The following LMTK2 variants were observed in gnomAD, a reference collection of about 807,000 sequenced individuals.
LMTK2 encodes the protein serine/threonine-protein kinase LMTK2.
A neutral mutation model predicts 127.5 loss-of-function variants in LMTK2; 37 were observed. The observed-to-expected ratio is 0.29, with a 90% confidence interval of 0.22 to 0.38. The LOEUF (loss-of-function observed/expected upper bound fraction) is 0.38. LMTK2 is among the 10% of genes least tolerant of loss of function. The probability of loss-of-function intolerance (pLI) is 1.00; values close to 1 mark genes in which losing one functional copy is unlikely to be tolerated. For missense variants in LMTK2, 1,694 were observed against 1,920.3 expected (o/e 0.88, Z 2.20); for synonymous variants, 819 against 810.1 (o/e 1.01, Z -0.19).
chr7:98,144,654 T>TAAGGA (rs1353476061), intron 3 of LMTK2, among the ~76,000 whole-genome samples: 2 of 152,214 alleles, frequency 1.3e-5, no homozygotes, highest in South Asian at 2.1e-4. Flanking sequence ...AAAGACTTTT[T>TAAGGA]ATAGAGAAGT....
At chr7:98,188,455 GTTA>G (rs923554434) in intron 9 of LMTK2, among the ~76,000 whole-genome samples, 51 of 152,040 alleles carry the variant, frequency 3.4e-4, no homozygotes, top group Non-Finnish European at 5.9e-4. Context: ...TTTAAAAAAA[GTTA>G]TTATTATATA....
intron 3 of LMTK2, among the ~76,000 whole-genome samples, chr7:98,148,167 T>C (rs1444078128): frequency 6.6e-6 from 1 of 151,448 alleles, no homozygotes; most frequent in East Asian, 1.9e-4. Context: ...CACTCCAGCC[T>C]GAGTGATACA....
chr7:98,195,972 C>T (rs1797617108), intron 11 of LMTK2, among the ~76,000 whole-genome samples: 1 of 152,136 alleles, frequency 6.6e-6, no homozygotes, highest in Non-Finnish European at 1.5e-5. Flanking sequence ...GGCGGATCAC[C>T]TGACGTCGGG....
chr7:98,173,410 A>G (rs1051890881), intron 7 of LMTK2, among the ~76,000 whole-genome samples: 17 of 152,250 alleles, frequency 1.1e-4, no homozygotes, highest in African/African-American at 3.9e-4. Flanking sequence ...GAAAGCCTAC[A>G]TTTAGCTTTT....
intron 1 of LMTK2, among the ~76,000 whole-genome samples, 187 bp downstream of exon 1, chr7:98,107,467 C>T (rs1796129107): frequency 8.2e-6 from 1 of 122,546 alleles, no homozygotes; most frequent in Non-Finnish European, 1.7e-5. Flanking sequence ...GGGAGCGAGG[C>T]GACGTCGTTG....
intron 7 of LMTK2, among the ~76,000 whole-genome samples, chr7:98,179,448 T>G (rs1797319704): frequency 6.6e-6 from 1 of 152,174 alleles, no homozygotes; most frequent in African/African-American, 2.4e-5. Context: ...TGGTCGTTGG[T>G]GGTGCCCAGT....
At position 98,192,781 on chromosome 7, in the gene LMTK2, G is replaced by C; in HGVS notation, c.2316G>C (p.Gln772His). ...SCRNSLDTELQFAENKPGLSL... is the reference protein window; with the variant it reads ...SCRNSLDTELHFAENKPGLSL... ...GAAACTCTTTAGATACTGAGCTTCA[G>C]TTTGCTGAAAATAAGCCAGGCTTGT... is the stretch of plus-strand genomic sequence containing the variant. Residue 772 changes from glutamine to histidine, a missense_variant, in exon 11 of 14, where the codon CAG becomes CAC. This residue lies in a region of LMTK2 where 527 missense variants were observed against 539.8 expected (regional missense o/e 0.98). Coordinates refer to ENST00000297293, the MANE Select transcript of LMTK2 (RefSeq NM_014916.4). The C allele has an allele frequency of 6.2e-7, 1 of 1,613,894 alleles. No individual in the cohort carries two copies.
chr7:98,108,949 C>A (rs372251759), intron 1 of LMTK2, among the ~76,000 whole-genome samples: 2 of 151,534 alleles, frequency 1.3e-5, no homozygotes, highest in African/African-American at 4.9e-5. Context: ...TGCAACCCCC[C>A]CCTTCCGAGT....
intron 6 of LMTK2, among the ~76,000 whole-genome samples, chr7:98,165,576 G>A (rs528280085): frequency 4.6e-5 from 7 of 152,170 alleles, no homozygotes; most frequent in Non-Finnish European, 8.8e-5. Context: ...CTCAGCCTCC[G>A]AAAGTGCTGG....
intron 6 of LMTK2, among the ~76,000 whole-genome samples, chr7:98,164,635 G>A (rs1324806565): frequency 2.0e-5 from 3 of 152,154 alleles, no homozygotes; most frequent in African/African-American, 2.4e-5. Context: ...ATAGAAGTAC[G>A]GGAGTCCTAA....
rs200437650 is a variant in LMTK2 at position 98,193,700 on chromosome 7, G to A, written c.3235G>A (p.Gly1079Ser). Reference protein sequence around the residue: ...PNPVIVISDAGDGHRGTEVTP... With the variant: ...PNPVIVISDASDGHRGTEVTP... ...CCCGGTCATTGTCATCTCAGATGCC[G>A]GCGATGGTCACAGAGGCACAGAAGT... is the stretch of plus-strand genomic sequence containing the variant. The change falls in exon 11 of 14, where the codon GGC becomes AGC. Residue 1079 changes from glycine to serine, a missense_variant. Gly to Ser is a moderately conservative substitution (Grantham distance 56). Coordinates refer to ENST00000297293, the MANE Select transcript of LMTK2 (RefSeq NM_014916.4). The surrounding 1 kb of genome is among the most constrained non-coding windows in gnomAD (Gnocchi z 4.1). 1.1e-5 allele frequency: 18 copies of A among 1,613,814 alleles called. No homozygotes were observed. The highest frequency in any genetic ancestry group is 1.6e-4 in the Middle Eastern group (1 of 6,062).
chr7:98,203,735 G>T, intron 12 of LMTK2, 29 bp downstream of exon 12: 1 of 1,609,982 alleles, frequency 6.2e-7, no homozygotes, highest in South Asian at 1.1e-5. Context: ...TAGTTTTAAA[G>T]GAAACTGAAA....
At chr7:98,189,824 T>A (rs1314089795) in intron 9 of LMTK2, among the ~76,000 whole-genome samples, 2 of 152,132 alleles carry the variant, frequency 1.3e-5, no homozygotes, top group Middle Eastern at 3.2e-3. Flanking sequence ...GGGTCTCTCC[T>A]GGCACACAGC....
rs949936318 is a variant in LMTK2 at position 98,171,407 on chromosome 7, G to A, written c.658-134G>A. On this transcript the variant is annotated intron_variant, in intron 6 of 13. Transcript: ENST00000297293. This position sits in a 1 kb window ranked among gnomAD's most constrained non-coding sequence, Gnocchi z 5.1. ...TCTATACTTTCGCAGTATTGGGTTG[G>A]AACTTCTTTAAGTATGAACAAAAGA... 8.9e-7 allele frequency: 1 copy of A among 1,128,742 alleles called. No individual in the cohort carries two copies. Among genetic ancestry groups the A allele is most frequent in the South Asian group, 1.3e-5 (1 of 76,826 alleles). The allele number at this position is 1,128,742 out of a possible 1,614,324, so 69.9% of individuals were successfully genotyped here. A position where few individuals can be genotyped will look rare whatever the true frequency, so the allele number is the denominator to read the frequency against.
chr7:98,153,222 GTA>G (rs1304919402), intron 4 of LMTK2, among the ~76,000 whole-genome samples: 1 of 152,146 alleles, frequency 6.6e-6, no homozygotes, highest in African/African-American at 2.4e-5. Flanking sequence ...TTTATAGAGT[GTA>G]TTCAAAGCTA....
chr7:98,125,159 T>C lies in LMTK2; in HGVS notation c.104-12156T>C, dbSNP rs576404876. Among the ~76,000 whole-genome samples the C allele has an allele frequency of 1.5e-3, 234 of 152,114 alleles. 1 individual carries two copies. Among genetic ancestry groups the C allele is most frequent in the Non-Finnish European group, 2.3e-3 (159 of 68,002 alleles). On this transcript the variant is annotated intron_variant, in intron 1 of 13. Transcript: ENST00000297293. ...TCTACTAAATATACAAAAAATTAGC[T>C]GGGTGTGGTGGCGGGCGCCTGTAGT...
intron 1 of LMTK2, among the ~76,000 whole-genome samples, chr7:98,117,839 C>T (rs754009946): frequency 2.6e-4 from 39 of 152,108 alleles, no homozygotes; most frequent in East Asian, 5.8e-4. Flanking sequence ...TGGTGGTGTG[C>T]GCCTGTAATC....
chr7:98,177,838 T>C (rs1221584646), intron 7 of LMTK2, among the ~76,000 whole-genome samples: 8 of 152,334 alleles, frequency 5.3e-5, no homozygotes, highest in Non-Finnish European at 7.3e-5. Context: ...GGGCAAACAC[T>C]GTCAAAACTC....
intron 1 of LMTK2, among the ~76,000 whole-genome samples, chr7:98,125,631 T>A (rs901559653): frequency 6.6e-6 from 1 of 152,218 alleles, no homozygotes; most frequent in African/African-American, 2.4e-5. Context: ...GCTGGATACC[T>A]GAGTATCTGG....
Sources: allele counts gnomAD v4.1 joint callset (sites outside exome capture counted in the v4.1 genomes callset), GRCh38; gene constraint gnomAD v4.1.1; regional missense constraint gnomAD v4.1.1; non-coding constraint Gnocchi (gnomAD v3.1); transcripts MANE v1.5; gene names NCBI Gene and HGNC (gene_info 2026-07-23, HGNC 2026-07-21).